Variants in IL33 observed in about 807,000 individuals in gnomAD.
The protein encoded by IL33 is interleukin 33, also known as interleukin-33.
IL33 carries 37 observed loss-of-function variants against 27.3 expected under a neutral mutation model. The observed-to-expected ratio is 1.36, with a 90% CI of 1.04 to 1.78. The LOEUF (loss-of-function observed/expected upper bound fraction) is 1.78. Among genes scored for constraint, IL33 ranks in the 40% most tolerant of loss-of-function variants. The probability of loss-of-function intolerance (pLI) is 0.00; values close to 1 mark genes in which losing one functional copy is unlikely to be tolerated. For synonymous variants in IL33, 132 were observed against 102.9 expected, an observed-to-expected ratio of 1.28 and a Z score of -1.71; for missense variants, 406 against 311.4, an observed-to-expected ratio of 1.30 and a Z score of -2.29.
intron 1 of IL33, among the ~76,000 whole-genome samples, chr9:6,229,402 A>G (rs562489792): frequency 1.0e-3 from 153 of 152,360 alleles, no homozygotes; most frequent in African/African-American, 3.6e-3. Context: ...TGAAATGTTC[A>G]GTCACACTAA....
At chr9:6,249,390 A>G (rs923585941) in intron 2 of IL33, among the ~76,000 whole-genome samples, 5 of 152,208 alleles carry the variant, frequency 3.3e-5, no homozygotes, top group African/African-American at 1.2e-4. Flanking sequence ...ACTTCATTGT[A>G]TAAATTGCTT....
At position 6,252,868 on chromosome 9, in the gene IL33, A is replaced by G. The variant is rs746854409; in HGVS notation, c.346A>G (p.Ile116Val). The change falls in exon 5 of 8, where the codon ATT (isoleucine) becomes GTT (valine). Residue 116 changes from isoleucine (I) to valine (V), a missense_variant and splice_region_variant. Coordinates refer to ENST00000682010, the MANE Select transcript of IL33 (RefSeq NM_033439.4). ...AATTTTTGAATTCTTAACAACAGGA[A>G]TTTCACCTATTACAGAGTATCTTGC... ...RALHDSSITG[I>V]SPITEYLASL... 1.3e-6 allele frequency: 2 copies of G among 1,599,830 alleles called. No homozygotes were observed. Among genetic ancestry groups the G allele is most frequent in the South Asian group, 2.3e-5 (2 of 87,310 alleles).
At chr9:6,228,465 C>G (rs574629784) in intron 1 of IL33, among the ~76,000 whole-genome samples, 2 of 151,764 alleles carry the variant, frequency 1.3e-5, no homozygotes, top group Admixed American at 6.6e-5. Context: ...AAAATGATCT[C>G]AACTTTAGAG....
At chr9:6,246,710 C>T (rs1421642426) in intron 2 of IL33, among the ~76,000 whole-genome samples, 1 of 152,162 alleles carries the variant, frequency 6.6e-6, no homozygotes, top group East Asian at 1.9e-4. Flanking sequence ...TGATGAAGTT[C>T]AGTCCCCATC....
Position 6,256,282 on chromosome 9 carries a change from T to G in IL33, c.*114T>G. ...TAAGGGAAATGAAGAGTGCTTAGCATGTGTGGAATGTTTTCCATATTATGT... is the reference window on the plus strand; with the variant it reads ...TAAGGGAAATGAAGAGTGCTTAGCAGGTGTGGAATGTTTTCCATATTATGT... On this transcript the variant is annotated 3_prime_UTR_variant, in exon 8 of 8. Transcript: ENST00000682010. The G allele has an allele frequency of 1.4e-6, 1 of 708,038 alleles. No homozygotes were observed. Among genetic ancestry groups the G allele is most frequent in the South Asian group, 1.9e-5 (1 of 52,966 alleles). The allele number at this position is 708,038 out of a possible 1,614,324, so 43.9% of individuals were successfully genotyped here.
intron 2 of IL33, among the ~76,000 whole-genome samples, chr9:6,244,757 T>A (rs1819728631): frequency 6.6e-6 from 1 of 152,170 alleles, no homozygotes; most frequent in Non-Finnish European, 1.5e-5. Context: ...ATGCAAGATA[T>A]GTCATATCTT....
rs980363341 is a variant in IL33 at position 6,256,414 on chromosome 9, G to A, written c.*246G>A. On this transcript the variant is annotated 3_prime_UTR_variant, in exon 8 of 8. Coordinates refer to ENST00000682010, the MANE Select transcript of IL33 (RefSeq NM_033439.4). ...TTAAATAGGGTATTGGTAAAGAAACGGTCAACATTCTAAAGAGATACAGTC... is the reference window on the plus strand; with the variant it reads ...TTAAATAGGGTATTGGTAAAGAAACAGTCAACATTCTAAAGAGATACAGTC... 2.7e-5 allele frequency: 14 copies of A among 509,812 alleles called. No homozygotes were observed. The highest frequency in any genetic ancestry group is 2.2e-4 in the African/African-American group (11 of 50,978). The allele number at this position is 509,812 out of a possible 1,614,324, so 31.6% of individuals were successfully genotyped here. A position where few individuals can be genotyped will look rare whatever the true frequency, so the allele number is the denominator to read the frequency against.
At chr9:6,216,862 G>C (rs761861201) in intron 1 of IL33, among the ~76,000 whole-genome samples, 3 of 152,212 alleles carry the variant, frequency 2.0e-5, no homozygotes, top group Non-Finnish European at 4.4e-5. Context: ...AATGGGACCT[G>C]ACCCTGGACT....
At chr9:6,237,916 C>T (rs1819324488) in intron 1 of IL33, among the ~76,000 whole-genome samples, 1 of 152,132 alleles carries the variant, frequency 6.6e-6, no homozygotes, top group Non-Finnish European at 1.5e-5. Flanking sequence ...ACTATTTAAA[C>T]TATTTTATAT....
Position 6,254,497 on chromosome 9 carries a change from C to G in IL33, c.556C>G (p.Leu186Val), listed in dbSNP as rs1005011956. ...TGATGGTAAGATGTTAATGGTAACC[C>G]TGAGTCCTACAAAAGACTTCTGGTT... ...GVDGKMLMVT[L>V]SPTKDFWLHA... Residue 186 changes from leucine (L) to valine (V), a missense_variant, in exon 7 of 8, where the codon CTG becomes GTG. Leu to Val is a conservative substitution (Grantham distance 32). Coordinates refer to ENST00000682010, the MANE Select transcript of IL33 (RefSeq NM_033439.4). 2 of 1,597,730 alleles carry G rather than the reference C, an allele frequency of 1.3e-6. No individual in the cohort carries two copies. The highest frequency in any genetic ancestry group is 1.7e-4 in the Middle Eastern group (1 of 6,012).
intron 2 of IL33, 90 bp downstream of exon 2, chr9:6,241,875 A>G (rs1325897595): frequency 1.2e-6 from 1 of 819,514 alleles, no homozygotes; most frequent in Admixed American, 2.7e-5. Context: ...ATGCTATCTT[A>G]TCAAAATCTA....
chr9:6,221,412 CTGT>C (rs765760936), intron 1 of IL33, among the ~76,000 whole-genome samples: 2 of 152,170 alleles, frequency 1.3e-5, no homozygotes, highest in Non-Finnish European at 2.9e-5. Flanking sequence ...TTACATCTGG[CTGT>C]CCAATTATTA....
At chr9:6,242,029 G>A (rs988666282) in intron 2 of IL33, among the ~76,000 whole-genome samples, 4 of 152,176 alleles carry the variant, frequency 2.6e-5, no homozygotes, top group Non-Finnish European at 4.4e-5. Flanking sequence ...CTGAACCTGT[G>A]AATAGTGATA....
intron 1 of IL33, among the ~76,000 whole-genome samples, chr9:6,240,010 A>G (rs1197805066): frequency 2.0e-5 from 3 of 152,208 alleles, no homozygotes. Flanking sequence ...CCTTTCCCCT[A>G]CAGTCAAAAC....
At chr9:6,233,279 A>T (rs16924171) in intron 1 of IL33, among the ~76,000 whole-genome samples, 94,536 of 152,016 alleles carry the variant, frequency 0.62, 30,549 homozygotes, top group Middle Eastern at 0.73. Flanking sequence ...CAGAACCTAC[A>T]TTACAAAGAT....
rs1156910133 is a variant in IL33 at position 6,255,966 on chromosome 9, A to G, written c.613-2A>G. On this transcript the variant is annotated splice_acceptor_variant, in intron 7 of 7. Transcript: ENST00000682010. LOFTEE classifies it high-confidence loss of function. ...GGATTGCTTTCTCTCTTGTTTCCTCAGCTCCATAAGTGTGAAAAACCACTG... is the reference window on the plus strand; with the variant it reads ...GGATTGCTTTCTCTCTTGTTTCCTCGGCTCCATAAGTGTGAAAAACCACTG... The G allele has an allele frequency of 6.2e-6, 10 of 1,612,592 alleles. No homozygotes were observed. The highest frequency in any genetic ancestry group is 8.5e-6 in the Non-Finnish European group (10 of 1,178,920).
intron 4 of IL33, among the ~76,000 whole-genome samples, chr9:6,252,320 C>T (rs1458944316): frequency 1.7e-5 from 2 of 116,168 alleles, no homozygotes; most frequent in African/African-American, 5.2e-5. Flanking sequence ...CAGTTTACCT[C>T]AGCAGGCTAT....
At chr9:6,218,942 A>G (rs1201182563) in intron 1 of IL33, among the ~76,000 whole-genome samples, 1 of 96,796 alleles carries the variant, frequency 1.0e-5, no homozygotes, top group Non-Finnish European at 2.1e-5. Context: ...ATATATATAT[A>G]TGTCTACATC....
chr9:6,254,368 A>T (rs529657671), intron 6 of IL33, 94 bp from the exon 7 acceptor site: 6 of 707,110 alleles, frequency 8.5e-6, no homozygotes, highest in Middle Eastern at 2.7e-4. Flanking sequence ...TATTTTATGT[A>T]ACATCTTAGA....
Sources: gnomAD v4.1 joint callset for allele counts (sites outside exome capture counted in the v4.1 genomes callset) on GRCh38, gnomAD v4.1.1 for gene constraint, MANE v1.5 for transcripts, NCBI Gene and HGNC (gene_info 2026-07-23, HGNC 2026-07-21) for gene names.